The following OSMR variants were observed in gnomAD, a reference collection of about 807,000 sequenced individuals.
OSMR encodes oncostatin-M-specific receptor subunit beta.
Under a neutral mutation model 99.9 loss-of-function variants are expected in OSMR, and 81 were observed. That is an observed-to-expected ratio of 0.81 (90% confidence interval 0.68 to 0.97). The LOEUF (loss-of-function observed/expected upper bound fraction) is 0.97, where lower values mean the gene tolerates loss of function less well. OSMR is among the 50% of genes least tolerant of loss of function. OSMR has a pLI of 0.00. For synonymous variants in OSMR, 406 were observed against 410.4 expected, an observed-to-expected ratio of 0.99 and a Z score of 0.13; for missense variants, 1,099 against 1,153.4, an observed-to-expected ratio of 0.95 and a Z score of 0.68.
Position 38,869,110 on chromosome 5 carries a change from G to T in OSMR, c.66G>T (p.Gln22His). ...CATTGCTGTCCTTGAGGACTTACCA[G>T]AGTGAAGGTAAGAAGTGGAAGGAAC... is the stretch of plus-strand genomic sequence containing the variant. ...FLTLLSLRTY[Q>H]SEVLAERLPL... Residue 22 changes from glutamine (Q) to histidine (H), a missense_variant, in exon 2 of 18, where the codon CAG becomes CAT. Physicochemically the swap from Gln to His is conservative, Grantham distance 24. Coordinates refer to ENST00000274276, the MANE Select transcript of OSMR (RefSeq NM_003999.3). The T allele has an allele frequency of 1.2e-6, 2 of 1,608,082 alleles. No individual in the cohort carries two copies. The highest frequency in any genetic ancestry group is 4.5e-5 in the East Asian group (2 of 44,836).
chr5:38,899,192 T>C (rs1245632537), intron 7 of OSMR, among the ~76,000 whole-genome samples: 1 of 152,126 alleles, frequency 6.6e-6, no homozygotes, highest in East Asian at 1.9e-4. Flanking sequence ...ATTCCCAACC[T>C]TGTGATCCAC....
intron 1 of OSMR, among the ~76,000 whole-genome samples, chr5:38,856,296 G>A (rs1008067121): frequency 6.6e-6 from 1 of 152,182 alleles, no homozygotes; most frequent in Non-Finnish European, 1.5e-5. Flanking sequence ...GGAATGTTCT[G>A]CCAGGTGTTG....
At chr5:38,886,459 C>A in intron 7 of OSMR, 2 of 719,854 alleles carry the variant, frequency 2.8e-6, no homozygotes, top group Non-Finnish European at 3.9e-6. Context: ...CATATCTCAT[C>A]CTGTAACGCC....
At chr5:38,873,472 T>C (rs868514520) in intron 2 of OSMR, among the ~76,000 whole-genome samples, 18 of 152,234 alleles carry the variant, frequency 1.2e-4, no homozygotes, top group South Asian at 2.1e-4. Flanking sequence ...TGCTGGGTTA[T>C]ATGGTGATTC....
In OSMR at chr5:38,933,564, T is replaced by TAAGAC. The variant is rs1746884384; in HGVS notation, c.*121_*125dup. 1 of 1,081,540 alleles carries TAAGAC rather than the reference T, an allele frequency of 9.2e-7. No individual in the cohort carries two copies. The highest frequency in any genetic ancestry group is 1.4e-6 in the Non-Finnish European group (1 of 720,610). 67.0% of individuals were successfully genotyped at this position (1,081,540 alleles called of 1,614,324 possible). A position where few individuals can be genotyped will look rare whatever the true frequency, so the allele number is the denominator to read the frequency against. On this transcript the variant is annotated 3_prime_UTR_variant, in exon 18 of 18. Transcript: ENST00000274276. ...GTACGATTTGCAGGTCTGGTTTATA[T>TAAGAC]AAGACCACTACAGTCTGGCTAGGTT...
In OSMR at chr5:38,917,464, C is replaced by A. The variant is rs1745973125; in HGVS notation, c.1286-82C>A. On this transcript the variant is annotated intron_variant, in intron 9 of 17. Transcript: ENST00000274276. ...CAGGTTGGACAGGTAATTGTCATGT[C>A]CTTGACCGTCCTAGAAAAAGGTTGA... 3 of 1,577,436 alleles carry A rather than the reference C, an allele frequency of 1.9e-6. No individual in the cohort carries two copies. The East Asian group carries it at 7.0e-5, about 37-fold the overall frequency.
intron 7 of OSMR, among the ~76,000 whole-genome samples, chr5:38,896,047 A>G (rs1744493207): frequency 6.6e-6 from 1 of 152,088 alleles, no homozygotes; most frequent in Non-Finnish European, 1.5e-5. Flanking sequence ...TGTTTTGGTT[A>G]CTATAGCTCT....
At chr5:38,861,358 C>T (rs957881771) in intron 1 of OSMR, among the ~76,000 whole-genome samples, 3 of 152,004 alleles carry the variant, frequency 2.0e-5, no homozygotes, top group African/African-American at 4.8e-5. Context: ...ATCTGTTTAA[C>T]AAAGCACATC....
chr5:38,945,078 A>G, exon 3 of OSMR: 1 of 1,573,104 alleles, frequency 6.4e-7, no homozygotes, highest in Non-Finnish European at 8.7e-7. Context: ...TCTGAAGAAA[A>G]AAATAATTAT....
intron 5 of OSMR, 26 bp downstream of exon 5, chr5:38,884,137 C>G: frequency 6.6e-7 from 1 of 1,511,126 alleles, no homozygotes; most frequent in East Asian, 2.3e-5. Flanking sequence ...CTCTGTGGCC[C>G]TTTCTTCTCA....
chr5:38,869,802 G>A (rs1742240675), intron 2 of OSMR, among the ~76,000 whole-genome samples: 1 of 152,086 alleles, frequency 6.6e-6, no homozygotes. Context: ...TTAGACTTGA[G>A]TTTCTATTGG....
intron 3 of OSMR, among the ~76,000 whole-genome samples, chr5:38,877,810 A>C (rs374259742): frequency 3.0e-4 from 45 of 152,318 alleles, no homozygotes; most frequent in South Asian, 1.2e-3. Flanking sequence ...TGTTACAAAA[A>C]ATAATATTAG....
intron 9 of OSMR, among the ~76,000 whole-genome samples, chr5:38,916,115 A>G (rs537476380): frequency 2.2e-4 from 34 of 152,366 alleles, no homozygotes; most frequent in African/African-American, 7.2e-4. Flanking sequence ...AGTATTACAT[A>G]AATCCAACAA....
In OSMR at chr5:38,925,269, C is replaced by T. The variant is rs749391857; in HGVS notation, c.2110C>T (p.Leu704=). The T allele has an allele frequency of 6.2e-7, 1 of 1,613,886 alleles. No homozygotes were observed. The highest frequency in any genetic ancestry group is 1.3e-5 in the African/African-American group (1 of 75,008). The part of the protein sequence containing the change: ...PEEKALIVDN[L]KPESFYEFFI... ...AGAAAAGGCATTGATTGTGGACAACCTAAAGCCAGAATCCTTCTATGAGTT... is the reference window on the plus strand; with the variant it reads ...AGAAAAGGCATTGATTGTGGACAACTTAAAGCCAGAATCCTTCTATGAGTT... The change falls in exon 15 of 18, where the codon CTA becomes TTA. Residue 704 remains leucine (L), a synonymous_variant. Transcript: ENST00000274276.
chr5:38,932,016 G>T lies in OSMR; in HGVS notation c.2294+52G>T, dbSNP rs1381221964. 3 of 1,325,418 alleles carry T rather than the reference G, an allele frequency of 2.3e-6. No homozygotes were observed. The East Asian group carries it at 6.9e-5, about 31-fold the overall frequency. The allele number at this position is 1,325,418 out of a possible 1,614,324, so 82.1% of individuals were successfully genotyped here. A position where few individuals can be genotyped will look rare whatever the true frequency, so the allele number is the denominator to read the frequency against. ...AAGAAGAGAGTAAGAGAAAAGTCTG[G>T]AAAGAGATTTAGTAAGATAGAAATG... On this transcript the variant is annotated intron_variant, in intron 16 of 17. Transcript: ENST00000274276.
intron 4 of OSMR, among the ~76,000 whole-genome samples, chr5:38,883,133 G>GC (rs1743426257): frequency 6.6e-6 from 1 of 152,124 alleles, no homozygotes; most frequent in Non-Finnish European, 1.5e-5. Flanking sequence ...GCACAACATG[G>GC]CGAAGCCCCA....
intron 7 of OSMR, among the ~76,000 whole-genome samples, chr5:38,899,574 T>C (rs1004624151): frequency 6.6e-6 from 1 of 152,100 alleles, no homozygotes; most frequent in Non-Finnish European, 1.5e-5. Flanking sequence ...ACTACTTGGG[T>C]ATTGCTCCTG....
At position 38,931,806 on chromosome 5, in the gene OSMR, A is replaced by G. The variant is rs530789498; in HGVS notation, c.2213-77A>G. ...TAATAAACATGTAAAATTACTTTCA[A>G]TCATAAACTTGTATTTATTCCTTTG... On this transcript the variant is annotated intron_variant, in intron 15 of 17. Transcript: ENST00000274276. 489 of 1,576,206 alleles carry G rather than the reference A, an allele frequency of 3.1e-4. No individual in the cohort carries two copies. In the African/African-American group the frequency reaches 5.6e-3, roughly 18 times the overall value.
At chr5:38,885,267 TC>T in intron 5 of OSMR, 81 bp from the exon 6 acceptor site, 1 of 1,598,382 alleles carries the variant, frequency 6.3e-7, no homozygotes, top group South Asian at 1.1e-5. Flanking sequence ...CTCTGTGGCT[TC>T]AGACTCTAAA....
Sources: allele counts gnomAD v4.1 joint callset (sites outside exome capture counted in the v4.1 genomes callset), GRCh38; gene constraint gnomAD v4.1.1; transcripts MANE v1.5; gene names NCBI Gene and HGNC (gene_info 2026-07-23, HGNC 2026-07-21).